The following USP2 variants were observed in gnomAD, a reference collection of about 807,000 sequenced individuals.
USP2 encodes ubiquitin carboxyl-terminal hydrolase 2.
USP2 carries 33 observed loss-of-function variants against 72.0 expected under a neutral mutation model. The observed-to-expected ratio is 0.46, with a 90% CI of 0.35 to 0.61. USP2 has a LOEUF of 0.61. Ranked by LOEUF, USP2 falls within the 20% of genes least tolerant of loss-of-function variation. USP2 has a pLI of 0.01. For synonymous variants in USP2, 296 were observed against 312.5 expected, an observed-to-expected ratio of 0.95 and a Z score of 0.56; for missense variants, 691 against 797.8, an observed-to-expected ratio of 0.87 and a Z score of 1.61.
chr11:119,372,773 C>A lies in USP2; in HGVS notation c.708G>T (p.Leu236=). Residue 236 remains leucine, a synonymous_variant, in exon 2 of 13, where the codon CTG becomes CTT. Transcript: ENST00000260187. The stretch of plus-strand genomic sequence containing the variant: ...GGGCCTGACCCTTTCCCGTCTCCCA[C>A]AGCGTGTAGCGGCCAATGGGTCGGT... ...PTYRPIGRYT[L]WETGKGQAPG... 6.3e-7 allele frequency: 1 copy of A among 1,577,522 alleles called. No homozygotes were observed.
chr11:119,358,568 G>C (rs1030161061), intron 7 of USP2: 1 of 649,546 alleles, frequency 1.5e-6, no homozygotes, highest in Non-Finnish European at 2.6e-6. Flanking sequence ...TACCCGCCTT[G>C]GCCTCCCAAA....
chr11:119,357,171 C>A lies in USP2; in HGVS notation c.1730+16G>T. On this transcript the variant is annotated intron_variant, in intron 12 of 12. Coordinates refer to ENST00000260187, the MANE Select transcript of USP2 (RefSeq NM_004205.5). Reference sequence around the variant, plus strand: ...GTGGCTACAGCCAGGGGCTCCGGCCCTGCCCTGGCTCTCACCTGGAGTCGT... The same window carrying A: ...GTGGCTACAGCCAGGGGCTCCGGCCATGCCCTGGCTCTCACCTGGAGTCGT... 3 of 1,612,908 alleles carry A rather than the reference C, an allele frequency of 1.9e-6. No individual in the cohort carries two copies. In the South Asian group the frequency reaches 3.3e-5, roughly 18 times the overall value.
chr11:119,361,063 T>C (rs547493673), intron 2 of USP2, among the ~76,000 whole-genome samples: 2 of 152,356 alleles, frequency 1.3e-5, no homozygotes, highest in East Asian at 3.9e-4. Flanking sequence ...CAAGTAAGCC[T>C]GCCATTCTGA....
intron 2 of USP2, among the ~76,000 whole-genome samples, chr11:119,361,705 G>A (rs1328669251): frequency 1.3e-5 from 2 of 152,026 alleles, no homozygotes; most frequent in African/African-American, 4.8e-5. Flanking sequence ...ATCCCTTCTT[G>A]GCCAGCTGTC....
intron 4 of USP2, 36 bp downstream of exon 4, chr11:119,359,501 G>A (rs749559370): frequency 3.5e-5 from 56 of 1,612,152 alleles, no homozygotes; most frequent in Non-Finnish European, 4.6e-5. Flanking sequence ...GGAGCATCCG[G>A]GGGTAGGCAG....
intron 2 of USP2, chr11:119,363,945 G>C: frequency 3.8e-6 from 5 of 1,306,452 alleles, no homozygotes; most frequent in Non-Finnish European, 4.9e-6. Flanking sequence ...GGGCGGGAAA[G>C]GGGGCGGCGG....
intron 2 of USP2, chr11:119,363,812 C>T: frequency 7.3e-7 from 1 of 1,372,410 alleles, no homozygotes; most frequent in East Asian, 3.1e-5. Context: ...GGACCCCAGG[C>T]CCTCGGCGCG....
intron 1 of USP2, among the ~76,000 whole-genome samples, chr11:119,377,748 C>T (rs2135412686): frequency 6.6e-6 from 1 of 152,246 alleles, no homozygotes; most frequent in East Asian, 1.9e-4. Context: ...GGCAGCCAAC[C>T]CCTTTGCTTC....
At chr11:119,363,783 A>C in intron 2 of USP2, 4 of 1,224,176 alleles carry the variant, frequency 3.3e-6, no homozygotes, top group Non-Finnish European at 1.1e-6. Flanking sequence ...CGTGGCGGGC[A>C]GAGGCCAGGG....
chr11:119,358,090 A>G (rs374841616), intron 8 of USP2, 29 bp from the exon 9 acceptor site: 25 of 1,614,096 alleles, frequency 1.5e-5, no homozygotes, highest in Non-Finnish European at 2.0e-5. Flanking sequence ...CAAAGGTCAG[A>G]GGTCAACATG....
intron 1 of USP2, among the ~76,000 whole-genome samples, chr11:119,376,817 C>G (rs1212495607): frequency 6.6e-6 from 1 of 152,280 alleles, no homozygotes; most frequent in African/African-American, 2.4e-5. Context: ...AGTCCATCTT[C>G]TCTGCAGTCT....
At chr11:119,378,325 TG>T (rs1297868986) in intron 1 of USP2, among the ~76,000 whole-genome samples, 1 of 27,088 alleles carries the variant, frequency 3.7e-5, no homozygotes, top group African/African-American at 1.4e-4. Context: ...GAGTAGGGGA[TG>T]GGGGGGCGGG....
Position 119,369,149 on chromosome 11 carries a change from AT to A in USP2, c.774+3557del, listed in dbSNP as rs551151684. Among the ~76,000 whole-genome samples the A allele has an allele frequency of 1.6e-4, 25 of 152,242 alleles. No individual in the cohort carries two copies. In the South Asian group the frequency reaches 5.2e-3, roughly 32 times the overall value. On this transcript the variant is annotated intron_variant, in intron 2 of 12. Transcript: ENST00000260187. ...CACCATCACTGTTCCTCCTCTCTGC[AT>A]TTTAAGCAGAAGGTGAAGTCTCAGG...
At chr11:119,368,865 A>C (rs1275953655) in intron 2 of USP2, among the ~76,000 whole-genome samples, 1 of 152,238 alleles carries the variant, frequency 6.6e-6, no homozygotes, top group African/African-American at 2.4e-5. Context: ...GGCAGAGGCC[A>C]GCGGGCAGAA....
At position 119,373,060 on chromosome 11, in the gene USP2, C is replaced by A; in HGVS notation, c.421G>T (p.Asp141Tyr). 6.2e-7 allele frequency: 1 copy of A among 1,613,978 alleles called. No homozygotes were observed. The highest frequency in any genetic ancestry group is 2.2e-5 in the East Asian group (1 of 44,876). The change falls in exon 2 of 13, where the codon GAC (aspartate) becomes TAC (tyrosine). Residue 141 changes from aspartate to tyrosine, a missense_variant. Transcript: ENST00000260187. Reference protein sequence around the residue: ...DQGVTLTQKLDSQSDLARDFS... With the variant: ...DQGVTLTQKLYSQSDLARDFS... ...TCCCGGGCCAGGTCTGATTGGCTGT[C>A]CAGCTTCTGGGTTAGGGTCACCCCC...
At chr11:119,378,817 G>A (rs1951030275) in intron 1 of USP2, among the ~76,000 whole-genome samples, 1 of 152,134 alleles carries the variant, frequency 6.6e-6, no homozygotes, top group Admixed American at 6.5e-5. Context: ...GGAGAGCCCC[G>A]GTCTCCTTCC....
At chr11:119,376,129 T>C in intron 1 of USP2, 1 of 973,190 alleles carries the variant, frequency 1.0e-6, no homozygotes. Context: ...GCCTTCCACA[T>C]GTCTCTCCCC....
chr11:119,363,099 C>T (rs993051317), intron 2 of USP2, among the ~76,000 whole-genome samples: 1 of 152,224 alleles, frequency 6.6e-6, no homozygotes, highest in African/African-American at 2.4e-5. Context: ...AGGGTCGCCC[C>T]AAGTCCTGGC....
At chr11:119,376,389 G>T (rs1483602599) in intron 1 of USP2, 1 of 985,522 alleles carries the variant, frequency 1.0e-6, no homozygotes, top group Non-Finnish European at 1.2e-6. Context: ...CCCTTTCATG[G>T]GGCAGTGGGA....
Sources: gnomAD v4.1 joint callset for allele counts (sites outside exome capture counted in the v4.1 genomes callset) on GRCh38, gnomAD v4.1.1 for gene constraint, MANE v1.5 for transcripts, NCBI Gene and HGNC (gene_info 2026-07-23, HGNC 2026-07-21) for gene names.